Variants in RIT2 observed in about 807,000 individuals in gnomAD.
RIT2 encodes the protein Ras like without CAAX 2.
RIT2 carries 24 observed loss-of-function variants against 23.7 expected under a neutral mutation model. That is an observed-to-expected ratio of 1.01 (90% CI 0.73 to 1.43). The LOEUF (loss-of-function observed/expected upper bound fraction) is 1.43, where lower values mean the gene tolerates loss of function less well. Among genes scored for constraint, RIT2 ranks in the 40% most tolerant of loss-of-function variants. The probability of loss-of-function intolerance (pLI) is 0.00; values close to 1 mark genes in which losing one functional copy is unlikely to be tolerated. For synonymous variants in RIT2, 107 were observed against 91.1 expected (o/e 1.17, Z -0.99); for missense variants, 236 against 266.9 (o/e 0.88, Z 0.81).
At position 42,857,740 on chromosome 18, in the gene RIT2, A is replaced by T. The variant is rs531141226; in HGVS notation, c.426+65832T>A. On this transcript the variant is annotated intron_variant, in intron 4 of 4. Transcript: ENST00000326695. ...ATATGAAGGGGATCTTTATTTCTGC[A>T]ATTGGAGTGTACTGGACAATTTGAT... is the stretch of plus-strand genomic sequence containing the variant. Among the ~76,000 whole-genome samples, 4 of 152,276 alleles carry T rather than the reference A, an allele frequency of 2.6e-5. No individual in the cohort carries two copies. In the South Asian group the frequency reaches 8.3e-4, roughly 32 times the overall value.
chr18:42,823,253 T>C (rs545007715), intron 4 of RIT2, among the ~76,000 whole-genome samples: 1 of 152,298 alleles, frequency 6.6e-6, no homozygotes, highest in South Asian at 2.1e-4. Context: ...CAGCCAATTT[T>C]ACTGCAAGGA....
intron 3 of RIT2, among the ~76,000 whole-genome samples, chr18:42,953,144 C>A (rs1026038251): frequency 6.6e-6 from 1 of 151,846 alleles, no homozygotes; most frequent in African/African-American, 2.4e-5. Flanking sequence ...ATTGTCTTCT[C>A]TTTTTGTCTT....
At chr18:42,771,970 T>C (rs11876408) in intron 4 of RIT2, among the ~76,000 whole-genome samples, 2,470 of 152,188 alleles carry the variant, frequency 0.016, 67 homozygotes, top group African/African-American at 0.056. Flanking sequence ...AAAAAATCAC[T>C]CTAATAGGGT....
intron 4 of RIT2, among the ~76,000 whole-genome samples, chr18:42,876,653 A>G (rs1013997096): frequency 2.6e-5 from 4 of 151,888 alleles, no homozygotes; most frequent in African/African-American, 4.8e-5. Flanking sequence ...TGAAAAATGT[A>G]TCTTTTGTGT....
At chr18:43,047,120 G>C (rs1210934272) in intron 1 of RIT2, among the ~76,000 whole-genome samples, 16 of 152,116 alleles carry the variant, frequency 1.1e-4, no homozygotes, top group African/African-American at 3.9e-4. Flanking sequence ...TTGTCTGTAT[G>C]ACTCCAGATC....
In RIT2 at chr18:43,049,072, G is replaced by T. The variant is rs75672565; in HGVS notation, c.104-15205C>A. The stretch of plus-strand genomic sequence containing the variant: ...GCTAGCTCTTCTTAATACATAAATT[G>T]TAGCATCACTAGTATGGCACTCCAA... On this transcript the variant is annotated intron_variant, in intron 1 of 4. Coordinates refer to ENST00000326695, the MANE Select transcript of RIT2 (RefSeq NM_002930.4). Among the ~76,000 whole-genome samples, 682 of 152,240 alleles carry T rather than the reference G, an allele frequency of 4.5e-3. 6 individuals carry two copies. The highest frequency in any genetic ancestry group is 0.016 in the African/African-American group (652 of 41,554).
chr18:43,012,884 A>G (rs901777846), intron 2 of RIT2, among the ~76,000 whole-genome samples: 1 of 151,780 alleles, frequency 6.6e-6, no homozygotes, highest in Non-Finnish European at 1.5e-5. Context: ...GGAAAAATCC[A>G]TCACATGCAA....
intron 2 of RIT2, among the ~76,000 whole-genome samples, chr18:43,025,236 A>C (rs577353236): frequency 7.1e-4 from 103 of 145,210 alleles, no homozygotes; most frequent in African/African-American, 2.3e-3. Flanking sequence ...CAAAAAAAAA[A>C]CAAAAAAAAA....
At chr18:43,055,264 G>A (rs1912473604) in intron 1 of RIT2, among the ~76,000 whole-genome samples, 1 of 152,142 alleles carries the variant, frequency 6.6e-6, no homozygotes, top group South Asian at 2.1e-4. Flanking sequence ...TGTGTAAGCA[G>A]CATAATTCTC....
At chr18:42,935,269 A>T (rs1909424464) in intron 3 of RIT2, among the ~76,000 whole-genome samples, 2 of 152,170 alleles carry the variant, frequency 1.3e-5, no homozygotes, top group Admixed American at 1.3e-4. Context: ...AGATGCTGAG[A>T]TGACTCCGAA....
intron 4 of RIT2, among the ~76,000 whole-genome samples, chr18:42,824,358 A>C (rs935180236): frequency 6.6e-6 from 1 of 152,106 alleles, no homozygotes; most frequent in Non-Finnish European, 1.5e-5. Context: ...ATCAACAAGG[A>C]ATGACTTATG....
chr18:43,103,063 T>G (rs1239335570), intron 1 of RIT2, among the ~76,000 whole-genome samples: 2 of 152,204 alleles, frequency 1.3e-5, no homozygotes, highest in African/African-American at 2.4e-5. Context: ...CTGTGTGGGC[T>G]TATTGGCCTT....
intron 4 of RIT2, among the ~76,000 whole-genome samples, chr18:42,884,065 T>C (rs1907960680): frequency 1.3e-5 from 2 of 152,224 alleles, no homozygotes; most frequent in Admixed American, 1.3e-4. Flanking sequence ...TGCCATATGC[T>C]AAGAGTTAAC....
At chr18:43,050,515 G>T (rs1051125664) in intron 1 of RIT2, among the ~76,000 whole-genome samples, 1 of 152,030 alleles carries the variant, frequency 6.6e-6, no homozygotes, top group Admixed American at 6.6e-5. Context: ...GGTATATATT[G>T]GTTTGCGTCC....
intron 3 of RIT2, among the ~76,000 whole-genome samples, chr18:42,954,014 T>C (rs1045803242): frequency 6.6e-6 from 1 of 152,014 alleles, no homozygotes; most frequent in African/African-American, 2.4e-5. Context: ...GTGTCTGAGG[T>C]TGCAAGAAAA....
In RIT2 at chr18:42,945,139, C is replaced by G. The variant is rs190563442; in HGVS notation, c.235-21376G>C. Among the ~76,000 whole-genome samples the G allele has an allele frequency of 3.5e-3, 530 of 151,930 alleles. 2 individuals are homozygous for G. The highest frequency in any genetic ancestry group is 0.012 in the African/African-American group (502 of 41,468). ...GAAATTAATTACATTAATTTCTATC[C>G]AATTTTATTTTATTCTCAAATATAA... On this transcript the variant is annotated intron_variant, in intron 3 of 4. Coordinates refer to ENST00000326695, the MANE Select transcript of RIT2 (RefSeq NM_002930.4).
At chr18:42,958,576 T>A (rs979385332) in intron 3 of RIT2, among the ~76,000 whole-genome samples, 4 of 152,124 alleles carry the variant, frequency 2.6e-5, no homozygotes, top group Non-Finnish European at 5.9e-5. Context: ...ACAAGCTTGA[T>A]AGGAATCTGT....
chr18:43,050,177 C>A (rs1364034024), intron 1 of RIT2, among the ~76,000 whole-genome samples: 1 of 151,248 alleles, frequency 6.6e-6, no homozygotes, highest in African/African-American at 2.4e-5. Flanking sequence ...CAAGTGTGCA[C>A]CACCAGGACA....
chr18:43,026,742 T>C (rs758914194), intron 2 of RIT2, among the ~76,000 whole-genome samples: 1 of 151,144 alleles, frequency 6.6e-6, no homozygotes, highest in African/African-American at 2.4e-5. Flanking sequence ...GGAATGTCTA[T>C]TAGACATCTA....
Sources: gnomAD v4.1 joint callset for allele counts (sites outside exome capture counted in the v4.1 genomes callset) on GRCh38, gnomAD v4.1.1 for gene constraint, MANE v1.5 for transcripts, NCBI Gene and HGNC (gene_info 2026-07-23, HGNC 2026-07-21) for gene names.